OLFM3: variants seen among roughly 807,000 people sequenced by gnomAD.
OLFM3 encodes noelin-3.
Under a neutral mutation model 48.6 loss-of-function variants are expected in OLFM3, and 20 were observed. The ratio of observed to expected loss-of-function variants is 0.41; its 90% CI spans 0.29 to 0.60. The LOEUF (loss-of-function observed/expected upper bound fraction) is 0.60. Among genes scored for constraint, OLFM3 ranks in the 20% least tolerant of loss-of-function variants. The probability of loss-of-function intolerance (pLI) is 0.28; values close to 1 mark genes in which losing one functional copy is unlikely to be tolerated. For missense variants in OLFM3, 437 were observed against 544.3 expected, an observed-to-expected ratio of 0.80 and a Z score of 1.96; for synonymous variants, 222 against 198.1, an observed-to-expected ratio of 1.12 and a Z score of -1.01.
intron 1 of OLFM3, among the ~76,000 whole-genome samples, chr1:101,912,307 A>G (rs1005843538): frequency 2.6e-5 from 4 of 152,204 alleles, no homozygotes; most frequent in African/African-American, 9.6e-5. Flanking sequence ...AATCTCAACT[A>G]ATAGGAGATC....
At chr1:101,894,305 T>C (rs1658113399) in intron 1 of OLFM3, among the ~76,000 whole-genome samples, 1 of 152,162 alleles carries the variant, frequency 6.6e-6, no homozygotes, top group Non-Finnish European at 1.5e-5. Flanking sequence ...ATAGAAGGTA[T>C]AACACAGAGA....
intron 4 of OLFM3, among the ~76,000 whole-genome samples, chr1:101,810,256 TG>T (rs1390986088): frequency 1.1e-4 from 16 of 152,004 alleles, no homozygotes; most frequent in Non-Finnish European, 1.2e-4. Flanking sequence ...AAAGCAGAGT[TG>T]GAGAAGTTAT....
At chr1:101,817,985 G>A (rs1384504039) in intron 4 of OLFM3, among the ~76,000 whole-genome samples, 2 of 152,038 alleles carry the variant, frequency 1.3e-5, no homozygotes, top group Non-Finnish European at 2.9e-5. Flanking sequence ...TAGAGCACCG[G>A]AATGAGTTTC....
At chr1:101,892,342 A>C (rs1291956692) in intron 1 of OLFM3, among the ~76,000 whole-genome samples, 1 of 152,060 alleles carries the variant, frequency 6.6e-6, no homozygotes, top group Non-Finnish European at 1.5e-5. Flanking sequence ...ACCCCAGCAG[A>C]CAGCCAGTCA....
At chr1:101,877,830 A>C (rs1657362539) in intron 1 of OLFM3, among the ~76,000 whole-genome samples, 1 of 151,742 alleles carries the variant, frequency 6.6e-6, no homozygotes, top group Non-Finnish European at 1.5e-5. Context: ...TTTATACAAC[A>C]TATTTTTTAT....
chr1:101,964,555 A>G (rs1438011224), intron 1 of OLFM3, among the ~76,000 whole-genome samples: 1 of 152,170 alleles, frequency 6.6e-6, no homozygotes, highest in African/African-American at 2.4e-5. Flanking sequence ...TAGGACTTTA[A>G]ATGGATCTTC....
At chr1:101,936,336 T>A (rs1270176322) in intron 1 of OLFM3, among the ~76,000 whole-genome samples, 1 of 151,736 alleles carries the variant, frequency 6.6e-6, no homozygotes, top group Non-Finnish European at 1.5e-5. Context: ...TAAGCTGAGA[T>A]CCAAACGAAA....
At chr1:101,984,818 C>G (rs1048433969) in intron 1 of OLFM3, among the ~76,000 whole-genome samples, 2 of 152,164 alleles carry the variant, frequency 1.3e-5, no homozygotes, top group African/African-American at 4.8e-5. Context: ...CATTATTTGG[C>G]TGATTATGTT....
chr1:101,966,701 C>T (rs965544683), intron 1 of OLFM3, among the ~76,000 whole-genome samples: 6 of 152,132 alleles, frequency 3.9e-5, no homozygotes, highest in African/African-American at 1.4e-4. Flanking sequence ...CCCTAACATT[C>T]TATTTGACAC....
intron 1 of OLFM3, among the ~76,000 whole-genome samples, chr1:101,875,560 T>TA (rs965030430): frequency 3.3e-5 from 5 of 151,848 alleles, no homozygotes; most frequent in Non-Finnish European, 7.4e-5. Flanking sequence ...GTCTGTTAAT[T>TA]AAAAAAATAA....
chr1:101,893,046 G>T (rs1268650263), intron 1 of OLFM3: 3 of 154,146 alleles, frequency 1.9e-5, no homozygotes, highest in Non-Finnish European at 2.9e-5. Flanking sequence ...AATCTTTGAT[G>T]TCTCTTATAG....
chr1:101,856,398 A>G (rs1214306501), intron 1 of OLFM3, among the ~76,000 whole-genome samples: 1 of 152,010 alleles, frequency 6.6e-6, no homozygotes, highest in East Asian at 1.9e-4. Context: ...CTTCAATGCA[A>G]TTAAACACTT....
intron 1 of OLFM3, among the ~76,000 whole-genome samples, chr1:101,867,345 C>A (rs544707235): frequency 3.9e-5 from 6 of 152,214 alleles, no homozygotes; most frequent in Admixed American, 3.9e-4. Flanking sequence ...TTATAGACTG[C>A]GTTTTCAATA....
intron 1 of OLFM3, among the ~76,000 whole-genome samples, chr1:101,967,164 T>C (rs1237786675): frequency 1.3e-5 from 2 of 152,150 alleles, no homozygotes; most frequent in Admixed American, 6.6e-5. Flanking sequence ...CAATATACTA[T>C]ATCTATATTT....
intron 2 of OLFM3, among the ~76,000 whole-genome samples, chr1:101,835,069 C>A (rs1655335836): frequency 6.6e-6 from 1 of 151,964 alleles, no homozygotes; most frequent in Non-Finnish European, 1.5e-5. Flanking sequence ...TGAAAAATAG[C>A]AACACAGAAG....
chr1:101,825,291 C>G (rs1389765129), intron 3 of OLFM3, 46 bp from the exon 4 acceptor site: 2 of 1,412,722 alleles, frequency 1.4e-6, no homozygotes, highest in Admixed American at 1.8e-5. Context: ...TAAAACAGAT[C>G]ATGCTGCTCT....
At chr1:101,815,054 G>A (rs1250051282) in intron 4 of OLFM3, among the ~76,000 whole-genome samples, 2 of 152,058 alleles carry the variant, frequency 1.3e-5, no homozygotes, top group Admixed American at 6.6e-5. Context: ...TTTATTCTAC[G>A]AATGATCGAA....
intron 4 of OLFM3, among the ~76,000 whole-genome samples, chr1:101,818,749 C>T (rs954616187): frequency 8.5e-5 from 13 of 152,082 alleles, no homozygotes; most frequent in South Asian, 2.1e-4. Flanking sequence ...AAAGGCTGTG[C>T]TTTTATTTTC....
chr1:101,810,479 C>T (rs1049518149), intron 4 of OLFM3, among the ~76,000 whole-genome samples: 5 of 151,980 alleles, frequency 3.3e-5, no homozygotes, highest in African/African-American at 7.2e-5. Flanking sequence ...TCCAGCTACA[C>T]GCATACAATA....
Sources: allele counts gnomAD v4.1 joint callset (sites outside exome capture counted in the v4.1 genomes callset), GRCh38; gene constraint gnomAD v4.1.1; transcripts MANE v1.5; gene names NCBI Gene and HGNC (gene_info 2026-07-23, HGNC 2026-07-21).